Variants in CAMSAP1 observed in about 807,000 individuals in gnomAD.
CAMSAP1 encodes the protein calmodulin regulated spectrin associated protein 1.
In CAMSAP1, 58 loss-of-function variants were observed where a neutral mutation model predicts 143.5. That is an observed-to-expected ratio of 0.40 (90% CI 0.33 to 0.50). CAMSAP1 has a LOEUF of 0.50. Among genes scored for constraint, CAMSAP1 ranks in the 20% least tolerant of loss-of-function variants. CAMSAP1 has a pLI of 0.45. For missense variants in CAMSAP1, 1,969 were observed against 2,115.7 expected, an observed-to-expected ratio of 0.93 and a Z score of 1.36; for synonymous variants, 945 against 859.3, an observed-to-expected ratio of 1.10 and a Z score of -1.74.
In CAMSAP1 at chr9:135,864,202, C is replaced by T. The variant is rs141130641; in HGVS notation, c.667-1594G>A. Among the ~76,000 whole-genome samples the T allele has an allele frequency of 2.3e-3, 353 of 152,314 alleles. 3 individuals carry two copies. The highest frequency in any genetic ancestry group is 6.8e-3 in the Middle Eastern group (2 of 294). Reference sequence around the variant, plus strand: ...AACATGTTTCTGTTTTTATAAAACTCTCATGTGACCTCACTTCCTGCAGGA... The same window carrying T: ...AACATGTTTCTGTTTTTATAAAACTTTCATGTGACCTCACTTCCTGCAGGA... On this transcript the variant is annotated intron_variant, in intron 4 of 16. Coordinates refer to ENST00000389532, the MANE Select transcript of CAMSAP1 (RefSeq NM_015447.4).
chr9:135,897,811 A>G (rs1191783605), intron 1 of CAMSAP1, among the ~76,000 whole-genome samples: 1 of 152,178 alleles, frequency 6.6e-6, no homozygotes, highest in South Asian at 2.1e-4. Context: ...AAAACTTATG[A>G]ATTATTTCTA....
chr9:135,829,888 T>TAACA (rs1554790076), intron 7 of CAMSAP1, among the ~76,000 whole-genome samples: 190 of 150,022 alleles, frequency 1.3e-3, no homozygotes, highest in Non-Finnish European at 2.3e-3. Context: ...AATAAATAAA[T>TAACA]AACAATAAGT....
intron 3 of CAMSAP1, among the ~76,000 whole-genome samples, chr9:135,870,174 C>T (rs1837522480): frequency 1.3e-5 from 2 of 152,154 alleles, no homozygotes; most frequent in Admixed American, 1.3e-4. Flanking sequence ...CCCATAATTC[C>T]CACATGTTGA....
At chr9:135,815,324 A>G (rs1251815019) in intron 15 of CAMSAP1, 109 bp from the exon 16 acceptor site, 1 of 559,760 alleles carries the variant, frequency 1.8e-6, no homozygotes, top group Non-Finnish European at 3.1e-6. Context: ...GCTGAATTAC[A>G]GATATTTATG....
Position 135,817,967 on chromosome 9 carries a change from G to A in CAMSAP1, c.4271+10C>T. The stretch of plus-strand genomic sequence containing the variant: ...CAGCCCCGTGCCGGCGGCCGTCTCA[G>A]GCCCCTTACCGCTGAGAGGGTGTGC... On this transcript the variant is annotated intron_variant, in intron 14 of 16. Transcript: ENST00000389532. The A allele has an allele frequency of 1.2e-6, 2 of 1,613,454 alleles. No homozygotes were observed. The highest frequency in any genetic ancestry group is 3.3e-4 in the Middle Eastern group (2 of 6,054).
chr9:135,851,492 A>G (rs1836782075), intron 5 of CAMSAP1, among the ~76,000 whole-genome samples: 1 of 152,226 alleles, frequency 6.6e-6, no homozygotes, highest in Non-Finnish European at 1.5e-5. Flanking sequence ...AACGTCTTAT[A>G]GGCTTCAGAT....
intron 3 of CAMSAP1, among the ~76,000 whole-genome samples, chr9:135,868,746 A>G (rs1837471760): frequency 6.7e-6 from 1 of 150,080 alleles, no homozygotes; most frequent in Non-Finnish European, 1.5e-5. Context: ...CCTCCTGAAT[A>G]GTTGGGACTA....
chr9:135,818,058 T>G lies in CAMSAP1; in HGVS notation c.4190A>C (p.Gln1397Pro). ...SSTPDNLSRT[Q>P]SGSSLSLASA... ...GGCCAAGGACAGGCTGGAGCCTGACTGAGTCCGGCTCAAGTTATCAGCTGC... is the reference window on the plus strand; with the variant it reads ...GGCCAAGGACAGGCTGGAGCCTGACGGAGTCCGGCTCAAGTTATCAGCTGC... Residue 1397 changes from glutamine (Q) to proline (P), a missense_variant, in exon 14 of 17, where the codon CAG becomes CCG. Coordinates refer to ENST00000389532, the MANE Select transcript of CAMSAP1 (RefSeq NM_015447.4). This position sits in a 1 kb window ranked among gnomAD's most constrained non-coding sequence, Gnocchi z 7.7. 1 of 1,613,786 alleles carries G rather than the reference T, an allele frequency of 6.2e-7. No individual in the cohort carries two copies. Among genetic ancestry groups the G allele is most frequent in the Non-Finnish European group, 8.5e-7 (1 of 1,179,854 alleles).
intron 5 of CAMSAP1, among the ~76,000 whole-genome samples, chr9:135,861,058 TCTC>T (rs1204303324): frequency 2.6e-5 from 4 of 152,176 alleles, no homozygotes; most frequent in Non-Finnish European, 4.4e-5. Context: ...TTAAAGAGCT[TCTC>T]CTCCACATCC....
chr9:135,865,271 A>T, intron 4 of CAMSAP1: 1 of 1,515,258 alleles, frequency 6.6e-7, no homozygotes, highest in Admixed American at 2.0e-5. Context: ...TTTTAATGGA[A>T]GCAAGTGATC....
intron 1 of CAMSAP1, among the ~76,000 whole-genome samples, chr9:135,895,812 G>A (rs1176767058): frequency 6.6e-6 from 1 of 152,134 alleles, no homozygotes; most frequent in Non-Finnish European, 1.5e-5. Context: ...GTAAAATAAG[G>A]ATATCAGTAA....
chr9:135,827,337 A>G (rs1259120827), intron 8 of CAMSAP1, 70 bp downstream of exon 8: 1 of 1,349,752 alleles, frequency 7.4e-7, no homozygotes, highest in South Asian at 2.0e-5. Context: ...ACTTCAATTA[A>G]TATTTTAAAC....
chr9:135,821,093 T>A lies in CAMSAP1; in HGVS notation c.3568A>T (p.Ile1190Phe). 1 of 1,613,926 alleles carries A rather than the reference T, an allele frequency of 6.2e-7. No homozygotes were observed. Among genetic ancestry groups the A allele is most frequent in the Non-Finnish European group, 8.5e-7 (1 of 1,179,900 alleles). Reference protein sequence around the residue: ...LTLSSSKDANILSEQMSLKEV... With the variant: ...LTLSSSKDANFLSEQMSLKEV... ...TTGAGGCTCATCTGCTCCGAAAGAA[T>A]GTTGGCATCTTTGGAAGAGGACAGA... The change falls in exon 11 of 17, where the codon ATT becomes TTT. Residue 1190 changes from isoleucine to phenylalanine, a missense_variant. Transcript: ENST00000389532. The surrounding 1 kb of genome is among the most constrained non-coding windows in gnomAD (Gnocchi z 4.6).
intron 1 of CAMSAP1, among the ~76,000 whole-genome samples, chr9:135,891,585 T>C (rs895110432): frequency 2.0e-5 from 3 of 152,124 alleles, no homozygotes; most frequent in African/African-American, 4.8e-5. Context: ...ATCAACGTTA[T>C]CCAAAGGACT....
chr9:135,856,025 A>C (rs966990337), intron 5 of CAMSAP1, among the ~76,000 whole-genome samples: 22 of 152,164 alleles, frequency 1.4e-4, no homozygotes, highest in South Asian at 4.1e-4. Flanking sequence ...GCACTCCAGC[A>C]TAGGCAAGAG....
At chr9:135,893,903 G>C (rs535915869) in intron 1 of CAMSAP1, among the ~76,000 whole-genome samples, 36 of 152,294 alleles carry the variant, frequency 2.4e-4, no homozygotes, top group African/African-American at 8.7e-4. Context: ...GAACCCTAGA[G>C]ACAAAGGAGG....
chr9:135,886,201 T>C (rs1430447176), intron 1 of CAMSAP1, among the ~76,000 whole-genome samples: 3 of 152,218 alleles, frequency 2.0e-5, no homozygotes, highest in African/African-American at 7.2e-5. Context: ...CCAGAAAATG[T>C]ACAAAAATGC....
intron 1 of CAMSAP1, among the ~76,000 whole-genome samples, chr9:135,906,641 G>A (rs1838786246): frequency 6.6e-6 from 1 of 152,208 alleles, no homozygotes; most frequent in Non-Finnish European, 1.5e-5. Context: ...CCGGGAAGCG[G>A]CGCCTCAGAC....
chr9:135,832,562 G>C (rs1447832011), intron 7 of CAMSAP1, among the ~76,000 whole-genome samples: 1 of 152,120 alleles, frequency 6.6e-6, no homozygotes, highest in Non-Finnish European at 1.5e-5. Context: ...GGAAATTCTA[G>C]TCAGATAAAT....
Sources: gnomAD v4.1 joint callset for allele counts (sites outside exome capture counted in the v4.1 genomes callset) on GRCh38, gnomAD v4.1.1 for gene constraint, Gnocchi (gnomAD v3.1) non-coding constraint, MANE v1.5 for transcripts, NCBI Gene and HGNC (gene_info 2026-07-23, HGNC 2026-07-21) for gene names.